The following DNAH9 variants were observed in gnomAD, a reference collection of about 807,000 sequenced individuals.
The protein encoded by DNAH9 is dynein axonemal heavy chain 9, also known as DNAH9 variant protein.
Under a neutral mutation model 471.6 loss-of-function variants are expected in DNAH9, and 345 were observed. The observed-to-expected ratio is 0.73, with a 90% CI of 0.67 to 0.80. The LOEUF is 0.80. Among genes scored for constraint, DNAH9 ranks in the 30% least tolerant of loss-of-function variants. The pLI is 0.00. For synonymous variants in DNAH9, 2,093 were observed against 2,123.6 expected, an observed-to-expected ratio of 0.99 and a Z score of 0.40; for missense variants, 5,407 against 5,609.2, an observed-to-expected ratio of 0.96 and a Z score of 1.15.
At chr17:11,754,590 GT>G (rs1353050801) in intron 33 of DNAH9, among the ~76,000 whole-genome samples, 1 of 152,012 alleles carries the variant, frequency 6.6e-6, no homozygotes, top group East Asian at 1.9e-4. Context: ...GTGATGTTGA[GT>G]TTTTTTCATA....
intron 35 of DNAH9, among the ~76,000 whole-genome samples, chr17:11,760,649 A>G (rs1597606069): frequency 6.6e-6 from 1 of 152,096 alleles, no homozygotes; most frequent in Admixed American, 6.5e-5. Context: ...CCTCCCGAGT[A>G]TCTGGGACTA....
At chr17:11,712,890 G>A (rs1243934973) in intron 26 of DNAH9, among the ~76,000 whole-genome samples, 3 of 148,416 alleles carry the variant, frequency 2.0e-5, no homozygotes, top group Non-Finnish European at 4.4e-5. Context: ...GAAAAAAAAT[G>A]AGTTATTTAA....
chr17:11,825,596 A>G (rs986618642), intron 48 of DNAH9, among the ~76,000 whole-genome samples: 1 of 152,164 alleles, frequency 6.6e-6, no homozygotes, highest in Non-Finnish European at 1.5e-5. Flanking sequence ...TGGCTATACC[A>G]TTAGGTGACT....
At chr17:11,754,555 T>G (rs1967295204) in intron 33 of DNAH9, among the ~76,000 whole-genome samples, 1 of 152,258 alleles carries the variant, frequency 6.6e-6, no homozygotes, top group African/African-American at 2.4e-5. Flanking sequence ...CATTGTGGTT[T>G]TGATTTGCAT....
At chr17:11,789,694 TC>T (rs1288104613) in intron 41 of DNAH9, among the ~76,000 whole-genome samples, 1 of 151,986 alleles carries the variant, frequency 6.6e-6, no homozygotes, top group Non-Finnish European at 1.5e-5. Flanking sequence ...TAATATTTTC[TC>T]TTTGCTTTAT....
intron 59 of DNAH9, among the ~76,000 whole-genome samples, chr17:11,894,993 C>T (rs1475474629): frequency 1.5e-4 from 23 of 152,154 alleles, no homozygotes; most frequent in Admixed American, 1.5e-3. Flanking sequence ...AATGCATTAC[C>T]TTATTTAATT....
intron 17 of DNAH9, among the ~76,000 whole-genome samples, chr17:11,676,206 A>G (rs952641349): frequency 1.3e-5 from 2 of 151,754 alleles, no homozygotes; most frequent in Non-Finnish European, 2.9e-5. Context: ...TTATTATAAA[A>G]TGGATAAGAT....
At chr17:11,622,703 T>G (rs1408559243) in intron 6 of DNAH9, among the ~76,000 whole-genome samples, 1 of 152,198 alleles carries the variant, frequency 6.6e-6, no homozygotes, top group Non-Finnish European at 1.5e-5. Context: ...CAGGATATGT[T>G]CAGTAAATAT....
At chr17:11,918,599 C>T (rs1353143017) in intron 61 of DNAH9, among the ~76,000 whole-genome samples, 1 of 152,096 alleles carries the variant, frequency 6.6e-6, no homozygotes, top group African/African-American at 2.4e-5. Context: ...AGAGAGGATT[C>T]AGGATTCATG....
At chr17:11,842,797 CA>C (rs1971076149) in intron 49 of DNAH9, among the ~76,000 whole-genome samples, 1 of 152,168 alleles carries the variant, frequency 6.6e-6, no homozygotes, top group East Asian at 1.9e-4. Context: ...GGTGCCCACC[CA>C]AACTGAGAGT....
chr17:11,870,177 C>A lies in DNAH9; in HGVS notation c.10053+924C>A, dbSNP rs139006675. The stretch of plus-strand genomic sequence containing the variant: ...CTGGGACTGAAAACTGGCACAACAG[C>A]ACTTCCGCTGTACTCTATAGGTCAA... On this transcript the variant is annotated intron_variant, in intron 51 of 68. Transcript: ENST00000262442. Among the ~76,000 whole-genome samples the A allele has an allele frequency of 2.2e-3, 328 of 152,312 alleles. 5 individuals carry two copies. The highest frequency in any genetic ancestry group is 0.015 in the Admixed American group (228 of 15,302).
intron 49 of DNAH9, among the ~76,000 whole-genome samples, chr17:11,853,438 A>G (rs1971505520): frequency 1.3e-5 from 2 of 152,190 alleles, no homozygotes; most frequent in Admixed American, 1.3e-4. Flanking sequence ...CAAAACTCTG[A>G]GCAAAGGACA....
intron 4 of DNAH9, among the ~76,000 whole-genome samples, chr17:11,616,609 A>G (rs2072750316): frequency 6.6e-6 from 1 of 152,248 alleles, no homozygotes. Flanking sequence ...GGAGATGGTA[A>G]GAGATTTTCC....
intron 31 of DNAH9, among the ~76,000 whole-genome samples, chr17:11,746,865 C>A (rs1400750496): frequency 6.6e-6 from 1 of 152,066 alleles, no homozygotes; most frequent in Non-Finnish European, 1.5e-5. Flanking sequence ...CTTATGCACC[C>A]TTTTTGAGTA....
intron 50 of DNAH9, among the ~76,000 whole-genome samples, chr17:11,858,706 A>G (rs1420738391): frequency 6.6e-6 from 1 of 152,200 alleles, no homozygotes; most frequent in Non-Finnish European, 1.5e-5. Context: ...AGCTAAGGCT[A>G]TAAGTTGTCC....
intron 35 of DNAH9, among the ~76,000 whole-genome samples, chr17:11,759,850 C>T (rs369040586): frequency 6.6e-6 from 1 of 151,730 alleles, no homozygotes; most frequent in African/African-American, 2.4e-5. Context: ...CCATGCCCAG[C>T]TAATATTTTG....
At chr17:11,763,379 A>G in intron 35 of DNAH9, 61 bp from the exon 36 acceptor site, 1 of 1,494,062 alleles carries the variant, frequency 6.7e-7, no homozygotes. Flanking sequence ...TAGCTGTCCA[A>G]CAGCACCACC....
chr17:11,903,603 G>A (rs1973486993), intron 60 of DNAH9, among the ~76,000 whole-genome samples: 1 of 152,034 alleles, frequency 6.6e-6, no homozygotes, highest in Non-Finnish European at 1.5e-5. Context: ...TTAGAGTAAG[G>A]GCATGATAGA....
At chr17:11,693,152 A>G (rs1192051449) in intron 20 of DNAH9, among the ~76,000 whole-genome samples, 1 of 138,410 alleles carries the variant, frequency 7.2e-6, no homozygotes, top group Non-Finnish European at 1.5e-5. Context: ...TGACCTTGTG[A>G]TCCACCCGCC....
Sources: allele counts gnomAD v4.1 joint callset (sites outside exome capture counted in the v4.1 genomes callset), GRCh38; gene constraint gnomAD v4.1.1; transcripts MANE v1.5; gene names NCBI Gene and HGNC (gene_info 2026-07-23, HGNC 2026-07-21).